Variants in KATNAL1 observed in about 807,000 individuals in gnomAD.
The protein encoded by KATNAL1 is katanin p60 ATPase-containing subunit A-like 1.
In KATNAL1, 32 loss-of-function variants were observed where a neutral mutation model predicts 55.2. The ratio of observed to expected loss-of-function variants is 0.58; its 90% CI spans 0.44 to 0.78. KATNAL1 has a LOEUF of 0.78. Ranked by LOEUF, KATNAL1 falls within the 30% of genes least tolerant of loss-of-function variation. The pLI is 0.00. For synonymous variants in KATNAL1, 193 were observed against 193.6 expected (o/e 1.00, Z 0.02); for missense variants, 466 against 600.9 (o/e 0.78, Z 2.35).
At chr13:30,210,495 T>C (rs1873582512) in intron 9 of KATNAL1, 53 bp from the exon 10 acceptor site, 1 of 1,534,688 alleles carries the variant, frequency 6.5e-7, no homozygotes, top group African/African-American at 1.4e-5. Context: ...CAAATAATTT[T>C]GCTGAGAAAT....
chr13:30,290,115 C>G (rs1359826267), intron 1 of KATNAL1, among the ~76,000 whole-genome samples: 4 of 152,182 alleles, frequency 2.6e-5, no homozygotes. Flanking sequence ...AGTTTGCCGA[C>G]TCTTGCTTTC....
Position 30,283,688 on chromosome 13 carries a change from C to A in KATNAL1, c.90G>T (p.Gln30His), listed in dbSNP as rs781033909. 92 of 1,613,952 alleles carry A rather than the reference C, an allele frequency of 5.7e-5. 1 individual carries two copies. In the South Asian group the frequency reaches 1.0e-3, roughly 18 times the overall value. Residue 30 changes from glutamine (Q) to histidine (H), a missense_variant, in exon 2 of 11, where the codon CAG becomes CAT. Coordinates refer to ENST00000380615, the MANE Select transcript of KATNAL1 (RefSeq NM_032116.5). ...GNYDSSMVYY[Q>H]GVMQQIQRHC... ...GTCTCTGAATCTGCTGCATCACCCC[C>A]TGGTAATATACCATTGATGAGTCGT...
chr13:30,275,780 C>CA (rs976713270), intron 3 of KATNAL1, among the ~76,000 whole-genome samples: 4 of 150,914 alleles, frequency 2.7e-5, no homozygotes, highest in African/African-American at 4.9e-5. Flanking sequence ...ATAAATATTT[C>CA]AAAAAATATA....
chr13:30,254,186 C>T (rs549603957), intron 4 of KATNAL1, among the ~76,000 whole-genome samples: 1 of 152,094 alleles, frequency 6.6e-6, no homozygotes, highest in Non-Finnish European at 1.5e-5. Context: ...ATAATGCAAA[C>T]CAATGTTAGC....
intron 9 of KATNAL1, among the ~76,000 whole-genome samples, chr13:30,220,567 C>G (rs1051260903): frequency 6.6e-6 from 1 of 152,250 alleles, no homozygotes; most frequent in East Asian, 1.9e-4. Flanking sequence ...TGTGTATGAG[C>G]CAGGTATTAA....
At position 30,207,129 on chromosome 13, in the gene KATNAL1, G is replaced by A. The variant is rs539003046; in HGVS notation, c.*1411C>T. ...AGTTTTAAACCAGTAGGCACTATTC[G>A]AAACTGAGAATTCAGGATGTTATCA... On this transcript the variant is annotated 3_prime_UTR_variant, in exon 11 of 11. Coordinates refer to ENST00000380615, the MANE Select transcript of KATNAL1 (RefSeq NM_032116.5). 2.0e-5 allele frequency: 3 copies of A among 152,244 alleles called. No individual in the cohort carries two copies. The highest frequency in any genetic ancestry group is 6.5e-5 in the Admixed American group (1 of 15,298). The allele number at this position is 152,244 out of a possible 1,614,324, so 9.4% of individuals were successfully genotyped here.
intron 1 of KATNAL1, among the ~76,000 whole-genome samples, chr13:30,306,466 G>A (rs924058049): frequency 1.3e-5 from 2 of 151,854 alleles, no homozygotes; most frequent in Non-Finnish European, 2.9e-5. Context: ...GGGGGGTGGG[G>A]TGGAGCACTC....
chr13:30,273,764 A>C (rs1298626341), intron 3 of KATNAL1, among the ~76,000 whole-genome samples: 1 of 152,234 alleles, frequency 6.6e-6, no homozygotes, highest in Non-Finnish European at 1.5e-5. Flanking sequence ...GAATGAACTT[A>C]AAATTTCTTT....
chr13:30,216,618 G>A (rs1035155005), intron 9 of KATNAL1, among the ~76,000 whole-genome samples: 2 of 152,152 alleles, frequency 1.3e-5, no homozygotes, highest in African/African-American at 4.8e-5. Context: ...CAGGCTCGCA[G>A]GGAGTACACC....
chr13:30,282,654 A>G (rs1413845682), intron 2 of KATNAL1, among the ~76,000 whole-genome samples: 2 of 141,868 alleles, frequency 1.4e-5, no homozygotes, highest in African/African-American at 5.0e-5. Flanking sequence ...AAAAAAAAAA[A>G]GAAAGAAAGA....
chr13:30,247,682 G>A (rs954887291), intron 4 of KATNAL1, among the ~76,000 whole-genome samples: 1 of 152,166 alleles, frequency 6.6e-6, no homozygotes, highest in Non-Finnish European at 1.5e-5. Flanking sequence ...AAGAAGATGA[G>A]GTCAAAGAAG....
At position 30,248,142 on chromosome 13, in the gene KATNAL1, AGTCT is replaced by A. The variant is rs549976117; in HGVS notation, c.493-7060_493-7057del. ...AGGCTGAAATACAGAAAGACTGTTC[AGTCT>A]AAGAAAAGTATGTGTATTAGTCTTC... is the stretch of plus-strand genomic sequence containing the variant. On this transcript the variant is annotated intron_variant, in intron 4 of 10. Coordinates refer to ENST00000380615, the MANE Select transcript of KATNAL1 (RefSeq NM_032116.5). Among the ~76,000 whole-genome samples, 62 of 152,360 alleles carry A rather than the reference AGTCT, an allele frequency of 4.1e-4. No homozygotes were observed. The South Asian group carries it at 4.1e-3, about 10-fold the overall frequency.
At chr13:30,252,053 G>A (rs897355300) in intron 4 of KATNAL1, among the ~76,000 whole-genome samples, 4 of 152,150 alleles carry the variant, frequency 2.6e-5, no homozygotes, top group Non-Finnish European at 5.9e-5. Flanking sequence ...AAGACAGTAA[G>A]CATTTTCAAA....
At chr13:30,307,038 A>G (rs920170790) in intron 1 of KATNAL1, 3 of 151,078 alleles carry the variant, frequency 2.0e-5, no homozygotes, top group Non-Finnish European at 2.9e-5. Context: ...CGGTCCGCTC[A>G]AAGTTTATCG....
At position 30,206,688 on chromosome 13, in the gene KATNAL1, A is replaced by G. The variant is rs1452998103; in HGVS notation, c.*1852T>C. 1 of 152,122 alleles carries G rather than the reference A, an allele frequency of 6.6e-6. No individual in the cohort carries two copies. The highest frequency in any genetic ancestry group is 1.5e-5 in the Non-Finnish European group (1 of 68,004). 9.4% of individuals were successfully genotyped at this position (152,122 alleles called of 1,614,324 possible). On this transcript the variant is annotated 3_prime_UTR_variant, in exon 11 of 11. Coordinates refer to ENST00000380615, the MANE Select transcript of KATNAL1 (RefSeq NM_032116.5). ...GAAAAACCACAATTACTTTTGCACC[A>G]ACCCATTACAAACAAGTTTTAACAA...
Position 30,255,528 on chromosome 13 carries a change from G to T in KATNAL1, c.411C>A (p.Gly137=). The change falls in exon 4 of 11, where the codon GGC becomes GGA. Residue 137 remains glycine, a synonymous_variant. Coordinates refer to ENST00000380615, the MANE Select transcript of KATNAL1 (RefSeq NM_032116.5). ...CACTCTTTGATATAGGATGTGCTCGGCCTACAGGTCCCCGGGCTCCTACTC... is the reference window on the plus strand; with the variant it reads ...CACTCTTTGATATAGGATGTGCTCGTCCTACAGGTCCCCGGGCTCCTACTC... The part of the protein sequence containing the change: ...MAGVGARGPV[G]RAHPISKSEK... 6.3e-7 allele frequency: 1 copy of T among 1,597,436 alleles called. No homozygotes were observed. Among genetic ancestry groups the T allele is most frequent in the East Asian group, 2.3e-5 (1 of 43,434 alleles).
At chr13:30,265,842 C>G (rs1482564708) in intron 3 of KATNAL1, among the ~76,000 whole-genome samples, 1 of 151,022 alleles carries the variant, frequency 6.6e-6, no homozygotes, top group Non-Finnish European at 1.5e-5. Flanking sequence ...GAAACTCCGT[C>G]TCTACTAAAA....
chr13:30,219,109 T>C (rs1394245101), intron 9 of KATNAL1, among the ~76,000 whole-genome samples: 3 of 152,240 alleles, frequency 2.0e-5, no homozygotes, highest in Admixed American at 2.0e-4. Flanking sequence ...TTTGCCTTTT[T>C]CAAATAAAAA....
At chr13:30,235,937 T>C (rs1876627296) in intron 6 of KATNAL1, among the ~76,000 whole-genome samples, 1 of 152,192 alleles carries the variant, frequency 6.6e-6, no homozygotes, top group Non-Finnish European at 1.5e-5. Flanking sequence ...ATATGTATTG[T>C]ATATGGTATT....
Sources: gnomAD v4.1 joint callset for allele counts (sites outside exome capture counted in the v4.1 genomes callset) on GRCh38, gnomAD v4.1.1 for gene constraint, MANE v1.5 for transcripts, NCBI Gene and HGNC (gene_info 2026-07-23, HGNC 2026-07-21) for gene names.